Variants in PTGR1 observed in about 807,000 individuals in gnomAD.
The protein encoded by PTGR1 is 15-oxoprostaglandin 13-reductase.
A neutral mutation model predicts 37.7 loss-of-function variants in PTGR1; 23 were observed. That is an observed-to-expected ratio of 0.61 (90% CI 0.44 to 0.86). PTGR1 has a LOEUF of 0.86. Ranked by LOEUF, PTGR1 falls within the 40% of genes least tolerant of loss-of-function variation. PTGR1 has a pLI of 0.00. For missense variants in PTGR1, 351 were observed against 394.3 expected, an observed-to-expected ratio of 0.89 and a Z score of 0.93; for synonymous variants, 134 against 140.0, an observed-to-expected ratio of 0.96 and a Z score of 0.30.
In PTGR1 at chr9:111,563,049, A is replaced by C. The variant is rs1828379118; in HGVS notation, c.*72T>G. The C allele has an allele frequency of 2.5e-6, 4 of 1,569,666 alleles. No individual in the cohort carries two copies. The highest frequency in any genetic ancestry group is 3.4e-4 in the Middle Eastern group (2 of 5,888). ...TCTTAAGACATTTAAGGTAGTATAC[A>C]TTTTTGCTAAATGGTGAAAAACAAA... On this transcript the variant is annotated 3_prime_UTR_variant, in exon 10 of 10. Coordinates refer to ENST00000407693, the MANE Select transcript of PTGR1 (RefSeq NM_001146108.2).
chr9:111,595,054 C>T (rs1267419371), intron 2 of PTGR1, among the ~76,000 whole-genome samples: 1 of 151,868 alleles, frequency 6.6e-6, no homozygotes, highest in Non-Finnish European at 1.5e-5. Context: ...GGGGTTTCAC[C>T]ATGTTGGCCA....
At chr9:111,586,801 C>CTATATA (rs1452353673) in intron 4 of PTGR1, among the ~76,000 whole-genome samples, 13 of 147,050 alleles carry the variant, frequency 8.8e-5, no homozygotes, top group African/African-American at 3.0e-4. Context: ...CTCTCTCTCT[C>CTATATA]TCTATATATA....
intron 9 of PTGR1, among the ~76,000 whole-genome samples, chr9:111,553,367 A>AT (rs979814546): frequency 1.3e-5 from 2 of 152,070 alleles, no homozygotes; most frequent in African/African-American, 2.4e-5. Flanking sequence ...AAATTTAAAT[A>AT]TTTTTTCATT....
chr9:111,582,612 GAA>G (rs1301909684), intron 6 of PTGR1, among the ~76,000 whole-genome samples: 1 of 152,198 alleles, frequency 6.6e-6, no homozygotes, highest in Non-Finnish European at 1.5e-5. Flanking sequence ...TTCATTCACT[GAA>G]AAGTGAACCT....
At chr9:111,597,466 G>T (rs748736510) in intron 1 of PTGR1, 34 bp from the exon 2 acceptor site, 2 of 1,339,808 alleles carry the variant, frequency 1.5e-6, no homozygotes, top group South Asian at 1.2e-5. Context: ...CAACTGCCAT[G>T]AAGTGACTGC....
chr9:111,566,182 GAC>G (rs1277049851), intron 9 of PTGR1, among the ~76,000 whole-genome samples: 1 of 152,096 alleles, frequency 6.6e-6, no homozygotes, highest in African/African-American at 2.4e-5. Context: ...CAGCCTGGAC[GAC>G]AGAGTGAGCC....
downstream of PTGR1, among the ~76,000 whole-genome samples, chr9:111,560,974 T>TATATATAGAG (rs1564607823): frequency 1.1e-4 from 1 of 9,344 alleles, no homozygotes; most frequent in East Asian, 2.9e-3. Flanking sequence ...TATATATATA[T>TATATATAGAG]AGAGAGAGAG....
chr9:111,582,948 A>G (rs12554057), intron 6 of PTGR1, among the ~76,000 whole-genome samples: 36,360 of 152,180 alleles, frequency 0.24, 4,422 homozygotes, highest in African/African-American at 0.27. Context: ...TACACCCACC[A>G]TCAGATTGGA....
chr9:111,562,039 C>T (rs975308610), downstream of PTGR1, among the ~76,000 whole-genome samples: 1 of 152,120 alleles, frequency 6.6e-6, no homozygotes, highest in Non-Finnish European at 1.5e-5. Context: ...GCACCCGCTA[C>T]CATGCCCAGC....
In PTGR1 at chr9:111,583,546, C is replaced by G; in HGVS notation, c.421G>C (p.Gly141Arg). 1 of 1,614,068 alleles carries G rather than the reference C, an allele frequency of 6.2e-7. No individual in the cohort carries two copies. The highest frequency in any genetic ancestry group is 8.5e-7 in the Non-Finnish European group (1 of 1,179,920). ...FGLLEICGVKGGETVMVNAAA... is the reference protein window; with the variant it reads ...FGLLEICGVKRGETVMVNAAA... ...GCATTAACCATCACTGTTTCTCCACCCTTCACACCACAGATTTCAAGTAGG... is the reference window on the plus strand; with the variant it reads ...GCATTAACCATCACTGTTTCTCCACGCTTCACACCACAGATTTCAAGTAGG... The change falls in exon 6 of 10, where the codon GGT becomes CGT. Residue 141 changes from glycine to arginine, a missense_variant. Transcript: ENST00000407693.
At chr9:111,572,506 C>T (rs979135879) in intron 8 of PTGR1, among the ~76,000 whole-genome samples, 20 of 152,124 alleles carry the variant, frequency 1.3e-4, no homozygotes, top group African/African-American at 4.6e-4. Context: ...AGGAGAATCG[C>T]TTGAACCGGG....
intron 8 of PTGR1, among the ~76,000 whole-genome samples, chr9:111,572,931 T>TA (rs1251256183): frequency 6.6e-6 from 1 of 152,178 alleles, no homozygotes; most frequent in African/African-American, 2.4e-5. Context: ...TTTGTTTTTT[T>TA]ACTGAGAGCA....
At chr9:111,574,604 TAAA>T (rs35972893) in intron 8 of PTGR1, 127 bp downstream of exon 8, 702 of 488,692 alleles carry the variant, frequency 1.4e-3, no homozygotes, top group Middle Eastern at 1.8e-3. Flanking sequence ...GACTCTGTCT[TAAA>T]AAAAAAAAAA....
chr9:111,556,335 A>T (rs1828120544), intron 9 of PTGR1, among the ~76,000 whole-genome samples: 1 of 152,228 alleles, frequency 6.6e-6, no homozygotes, highest in South Asian at 2.1e-4. Context: ...TGACTTTTCC[A>T]GGTGCATGGC....
chr9:111,592,706 G>T (rs896330118), intron 4 of PTGR1: 6 of 537,290 alleles, frequency 1.1e-5, no homozygotes, highest in African/African-American at 3.9e-5. Flanking sequence ...TTAAAAGTAA[G>T]GATGGCAAAG....
chr9:111,574,916 C>T, intron 7 of PTGR1, 74 bp from the exon 8 acceptor site: 1 of 1,171,016 alleles, frequency 8.5e-7, no homozygotes, highest in East Asian at 2.5e-5. Flanking sequence ...AAGTCACAAG[C>T]ATTATTTTAC....
chr9:111,598,504 A>G (rs1829850439), intron 1 of PTGR1, among the ~76,000 whole-genome samples: 1 of 151,860 alleles, frequency 6.6e-6, no homozygotes, highest in Non-Finnish European at 1.5e-5. Context: ...TAAAATTAAG[A>G]CTTTTTTTGT....
intron 4 of PTGR1, among the ~76,000 whole-genome samples, chr9:111,589,642 CT>C (rs11324819): frequency 0.17 from 25,729 of 147,572 alleles, 2,378 homozygotes; most frequent in Non-Finnish European, 0.23. Flanking sequence ...AACATGAATA[CT>C]TTTTTTTTTT....
chr9:111,588,979 A>G (rs948203051), intron 4 of PTGR1, among the ~76,000 whole-genome samples: 3 of 152,218 alleles, frequency 2.0e-5, no homozygotes, highest in African/African-American at 7.2e-5. Context: ...CAGGATTTCT[A>G]TAAATGGTAT....
Sources: gnomAD v4.1 joint callset for allele counts (sites outside exome capture counted in the v4.1 genomes callset) on GRCh38, gnomAD v4.1.1 for gene constraint, MANE v1.5 for transcripts, NCBI Gene and HGNC (gene_info 2026-07-23, HGNC 2026-07-21) for gene names.